PAFAH1B2: variants seen among roughly 807,000 people sequenced by gnomAD.
PAFAH1B2 encodes platelet-activating factor acetylhydrolase IB subunit alpha2.
PAFAH1B2 carries 8 observed loss-of-function variants against 28.0 expected under a neutral mutation model. The observed-to-expected ratio is 0.29, with a 90% confidence interval of 0.17 to 0.52. The LOEUF (loss-of-function observed/expected upper bound fraction) is 0.52. PAFAH1B2 is among the 20% of genes least tolerant of loss of function. The probability of loss-of-function intolerance (pLI) is 0.97; values close to 1 mark genes in which losing one functional copy is unlikely to be tolerated. For missense variants in PAFAH1B2, 190 were observed against 282.6 expected (o/e 0.67, Z 2.35); for synonymous variants, 104 against 103.2 (o/e 1.01, Z -0.05).
intron 1 of PAFAH1B2, among the ~76,000 whole-genome samples, chr11:117,149,153 G>T (rs919911977): frequency 4.6e-5 from 7 of 150,866 alleles, no homozygotes; most frequent in Non-Finnish European, 7.4e-5. Flanking sequence ...AAAGTGTTAG[G>T]ATTACAGGCG....
Position 117,169,788 on chromosome 11 carries a change from A to G in PAFAH1B2, c.*2089A>G. On this transcript the variant is annotated 3_prime_UTR_variant, in exon 6 of 6. Transcript: ENST00000527958. ...GTTGTATAGCAAGAAGAATTAAGCC[A>G]GATTTTTGTGTGTGGAAAGACAGTT... The G allele has an allele frequency of 9.5e-7, 1 of 1,056,368 alleles. No individual in the cohort carries two copies. Among genetic ancestry groups the G allele is most frequent in the East Asian group, 5.3e-5 (1 of 18,870 alleles). 65.4% of individuals were successfully genotyped at this position (1,056,368 alleles called of 1,614,324 possible).
rs1318362048 is a variant in PAFAH1B2 at position 117,168,062 on chromosome 11, A to G, written c.*363A>G. 12 of 1,059,526 alleles carry G rather than the reference A, an allele frequency of 1.1e-5. No homozygotes were observed. The highest frequency in any genetic ancestry group is 4.2e-4 in the Middle Eastern group (1 of 2,358). The allele number at this position is 1,059,526 out of a possible 1,614,324, so 65.6% of individuals were successfully genotyped here. On this transcript the variant is annotated 3_prime_UTR_variant, in exon 6 of 6. Transcript: ENST00000527958. ...TCTTGGCCTTTCTGTGGATTATGTC[A>G]TATATAATAATTATCAGAATCATTC...
intron 4 of PAFAH1B2, among the ~76,000 whole-genome samples, chr11:117,162,398 C>T (rs1222389520): frequency 6.6e-6 from 1 of 151,876 alleles, no homozygotes; most frequent in Non-Finnish European, 1.5e-5. Flanking sequence ...CCCGCCCCGG[C>T]CTCCTAAAAT....
intron 1 of PAFAH1B2, among the ~76,000 whole-genome samples, chr11:117,151,922 T>C (rs772545678): frequency 6.6e-6 from 1 of 152,102 alleles, no homozygotes; most frequent in Non-Finnish European, 1.5e-5. Flanking sequence ...TTAGCCAGGA[T>C]GGTCTTGATC....
downstream of PAFAH1B2, among the ~76,000 whole-genome samples, chr11:117,177,661 A>G (rs2030059304): frequency 6.6e-6 from 1 of 152,214 alleles, no homozygotes; most frequent in African/African-American, 2.4e-5. Flanking sequence ...CAGCCTCCCC[A>G]GTAGCTGGGA....
At chr11:117,150,459 GT>G (rs775523965) in intron 1 of PAFAH1B2, among the ~76,000 whole-genome samples, 73 of 143,526 alleles carry the variant, frequency 5.1e-4, no homozygotes, top group Middle Eastern at 3.6e-3. Context: ...CGATGATGTT[GT>G]TTTTTTTTTT....
At chr11:117,159,772 G>C (rs1040198761) in intron 2 of PAFAH1B2, 162 bp from the exon 3 acceptor site, 4 of 513,250 alleles carry the variant, frequency 7.8e-6, no homozygotes, top group African/African-American at 7.7e-5. Context: ...AGTTGTTTTT[G>C]TAGAGATGGG....
At chr11:117,173,926 TCA>T (rs1956725195), downstream of PAFAH1B2, among the ~76,000 whole-genome samples, 1 of 152,170 alleles carries the variant, frequency 6.6e-6, no homozygotes, top group South Asian at 2.1e-4. Flanking sequence ...CTTTTTATAA[TCA>T]CAGTGAAAAC....
downstream of PAFAH1B2, chr11:117,174,908 C>G (rs1956747369): frequency 1.3e-6 from 2 of 1,527,236 alleles, no homozygotes; most frequent in East Asian, 5.0e-5. Context: ...AGTCACCGCA[C>G]CAGGCCATCT....
At chr11:117,148,962 G>A (rs1956077609) in intron 1 of PAFAH1B2, among the ~76,000 whole-genome samples, 1 of 151,726 alleles carries the variant, frequency 6.6e-6, no homozygotes, top group Non-Finnish European at 1.5e-5. Context: ...CCACCTCCTG[G>A]GCTCGAGCGA....
intron 1 of PAFAH1B2, among the ~76,000 whole-genome samples, chr11:117,148,539 T>G (rs1390957034): frequency 6.6e-6 from 1 of 152,116 alleles, no homozygotes; most frequent in African/African-American, 2.4e-5. Flanking sequence ...TAGCACAGGG[T>G]CTGGTAAATA....
intron 2 of PAFAH1B2, among the ~76,000 whole-genome samples, chr11:117,156,278 A>G (rs985864460): frequency 1.3e-5 from 2 of 152,236 alleles, no homozygotes; most frequent in African/African-American, 2.4e-5. Flanking sequence ...AAGTGCAACT[A>G]TAACGGCTAC....
Position 117,146,113 on chromosome 11 carries a change from T to C in PAFAH1B2, c.-8+1695T>C, listed in dbSNP as rs531412556. 6.5e-3 allele frequency among the ~76,000 whole-genome samples: 561 copies of C among 85,650 alleles called. 2 individuals carry two copies. Among genetic ancestry groups the C allele is most frequent in the African/African-American group, 0.019 (530 of 28,470 alleles). The allele number at this position is 85,650 out of a possible 152,430, so 56.2% of individuals were successfully genotyped here. ...ATTTGCATTCTGCTTGGTCTTTCTT[T>C]CTTTTTTTTTTTTTTTTTTTGTGTG... On this transcript the variant is annotated intron_variant, in intron 1 of 5. Coordinates refer to ENST00000527958, the MANE Select transcript of PAFAH1B2 (RefSeq NM_002572.4).
chr11:117,156,676 G>A (rs1321656994), intron 2 of PAFAH1B2, among the ~76,000 whole-genome samples: 1 of 152,118 alleles, frequency 6.6e-6, no homozygotes, highest in African/African-American at 2.4e-5. Context: ...CTTTAGCATA[G>A]CAGTCTTAAA....
chr11:117,145,676 G>A (rs1955987413), intron 1 of PAFAH1B2, among the ~76,000 whole-genome samples: 1 of 152,188 alleles, frequency 6.6e-6, no homozygotes, highest in Non-Finnish European at 1.5e-5. Flanking sequence ...AGGCTACCGG[G>A]CATTCAGGAT....
chr11:117,153,543 AC>A (rs1956200216), intron 2 of PAFAH1B2, among the ~76,000 whole-genome samples: 1 of 152,086 alleles, frequency 6.6e-6, no homozygotes, highest in Non-Finnish European at 1.5e-5. Context: ...GGCGCCCGCC[AC>A]CACGCTCAGC....
chr11:117,170,647 A>T lies in PAFAH1B2; in HGVS notation c.*2948A>T. The T allele has an allele frequency of 1.0e-6, 1 of 993,752 alleles. No homozygotes were observed. Among genetic ancestry groups the T allele is most frequent in the Non-Finnish European group, 1.2e-6 (1 of 822,558 alleles). 61.6% of individuals were successfully genotyped at this position (993,752 alleles called of 1,614,324 possible). A position where few individuals can be genotyped will look rare whatever the true frequency, so the allele number is the denominator to read the frequency against. Reference sequence around the variant, plus strand: ...TGTTTAAAAAAAAAAAAAAAAAAAAAGTCCAACTTACTTTATTTTATTTTT... The same window carrying T: ...TGTTTAAAAAAAAAAAAAAAAAAAATGTCCAACTTACTTTATTTTATTTTT... On this transcript the variant is annotated 3_prime_UTR_variant, in exon 6 of 6. Transcript: ENST00000527958.
At position 117,160,042 on chromosome 11, in the gene PAFAH1B2, A is replaced by C. The variant is rs1591744376; in HGVS notation, c.171+19A>C. 6.4e-7 allele frequency: 1 copy of C among 1,564,340 alleles called. No individual in the cohort carries two copies. The highest frequency in any genetic ancestry group is 1.1e-5 in the South Asian group (1 of 90,112). ...ATATGAGGTAAAGGTGGAAGGGATG[A>C]GCGTGGTTCTTGGCTACTCATGTAT... On this transcript the variant is annotated intron_variant, in intron 3 of 5. Transcript: ENST00000527958.
downstream of PAFAH1B2, chr11:117,171,744 A>G (rs1956656376): frequency 6.5e-7 from 1 of 1,535,284 alleles, no homozygotes; most frequent in Non-Finnish European, 8.7e-7. Context: ...CAGCAATATT[A>G]CAGTGAGTTG....
Sources: gnomAD v4.1 joint callset for allele counts (sites outside exome capture counted in the v4.1 genomes callset) on GRCh38, gnomAD v4.1.1 for gene constraint, MANE v1.5 for transcripts, NCBI Gene and HGNC (gene_info 2026-07-23, HGNC 2026-07-21) for gene names.